Variants in MDM1 observed in about 807,000 individuals in gnomAD.
MDM1 encodes Mdm1 nuclear protein.
MDM1 carries 61 observed loss-of-function variants against 89.1 expected under a neutral mutation model. The ratio of observed to expected loss-of-function variants is 0.68; its 90% confidence interval spans 0.56 to 0.85. MDM1 has a LOEUF of 0.85. Among genes scored for constraint, MDM1 ranks in the 40% least tolerant of loss-of-function variants. MDM1 has a pLI of 0.00. For missense variants in MDM1, 820 were observed against 846.5 expected, an observed-to-expected ratio of 0.97 and a Z score of 0.39; for synonymous variants, 290 against 294.1, an observed-to-expected ratio of 0.99 and a Z score of 0.14.
At chr12:68,318,894 CTG>C (rs1874846848) in intron 7 of MDM1, among the ~76,000 whole-genome samples, 1 of 152,084 alleles carries the variant, frequency 6.6e-6, no homozygotes, top group Non-Finnish European at 1.5e-5. Context: ...ACTCAAGAAA[CTG>C]GGGATAAAAA....
In MDM1 at chr12:68,295,130, T is replaced by C. The variant is rs1871201059; in HGVS notation, c.*124A>G. On this transcript the variant is annotated 3_prime_UTR_variant, in exon 15 of 15. Transcript: ENST00000682720. ...AACAATTTCCAAGTAAACTGTTCTA[T>C]TGGAAATTAAATATTTCAAAGTAGA... The C allele has an allele frequency of 1.7e-6, 1 of 596,476 alleles. No individual in the cohort carries two copies. Among genetic ancestry groups the C allele is most frequent in the East Asian group, 3.0e-5 (1 of 33,682 alleles). 36.9% of individuals were successfully genotyped at this position (596,476 alleles called of 1,614,324 possible).
At chr12:68,328,097 C>G (rs1876274055) in intron 2 of MDM1, among the ~76,000 whole-genome samples, 1 of 152,184 alleles carries the variant, frequency 6.6e-6, no homozygotes, top group South Asian at 2.1e-4. Context: ...AAACTTACTC[C>G]AGTGCGTCCG....
chr12:68,305,184 C>T (rs572980072), intron 12 of MDM1, among the ~76,000 whole-genome samples: 2 of 152,212 alleles, frequency 1.3e-5, no homozygotes, highest in East Asian at 1.9e-4. Flanking sequence ...CATCTCAATA[C>T]ATGTAGAAAA....
At position 68,332,305 on chromosome 12, in the gene MDM1, G is replaced by A. The variant is rs533020497; in HGVS notation, c.-60C>T. 2.8e-4 allele frequency: 429 copies of A among 1,526,076 alleles called. No homozygotes were observed. The African/African-American group carries it at 5.5e-3, about 20-fold the overall frequency. 94.5% of individuals were successfully genotyped at this position (1,526,076 alleles called of 1,614,324 possible). On this transcript the variant is annotated 5_prime_UTR_variant, in exon 1 of 15. Transcript: ENST00000682720. ...GTTAACTGGAGAAAAAGCTCCGAGGGGGCGGGGCGATAACAGTGTTCCCTA... is the reference window on the plus strand; with the variant it reads ...GTTAACTGGAGAAAAAGCTCCGAGGAGGCGGGGCGATAACAGTGTTCCCTA...
chr12:68,298,951 G>A (rs934198659), intron 13 of MDM1, among the ~76,000 whole-genome samples: 9 of 152,006 alleles, frequency 5.9e-5, no homozygotes, highest in South Asian at 2.1e-4. Flanking sequence ...CGAACTTGCC[G>A]ACACACTGAG....
At chr12:68,304,841 A>T (rs1592950892) in intron 12 of MDM1, among the ~76,000 whole-genome samples, 1 of 152,320 alleles carries the variant, frequency 6.6e-6, no homozygotes, top group East Asian at 1.9e-4. Flanking sequence ...CCTGTGAATC[A>T]TATCCTATTT....
rs1177307449 is a variant in MDM1, at chr12:68,313,692, G to A, written c.1591C>T (p.Leu531Phe). Residue 531 changes from leucine (L) to phenylalanine (F), a missense_variant, in exon 11 of 15, where the codon CTT (leucine) becomes TTT (phenylalanine). Physicochemically the swap from Leu to Phe is conservative, Grantham distance 22. Coordinates refer to ENST00000682720, the MANE Select transcript of MDM1 (RefSeq NM_001354969.2). The stretch of plus-strand genomic sequence containing the variant: ...TGATGAGTCCTCTGGATTCCACCAA[G>A]TTCTCTCAGCTTGGGAGTAGGAAGC... ...GRLPTPKLRE[L>F]GGIQRTHHDL... 3.7e-6 allele frequency: 6 copies of A among 1,614,094 alleles called. No individual in the cohort carries two copies. The Admixed American group carries it at 5.0e-5, about 13-fold the overall frequency.
chr12:68,315,123 G>C lies in MDM1; in HGVS notation c.1354C>G (p.Leu452Val). ...CTTGTGTTCTCTGTATCCCAAGCCA[G>C]CCGCCTTCTAACGGGTATGGTGGGA... is the stretch of plus-strand genomic sequence containing the variant. ...SAPTIPVRRR[L>V]AWDTENTSED... The change falls in exon 10 of 15, where the codon CTG becomes GTG. Residue 452 changes from leucine (L) to valine (V), a missense_variant. By Grantham distance (32) the Leu-to-Val change is conservative. Transcript: ENST00000682720. The C allele has an allele frequency of 6.2e-7, 1 of 1,614,080 alleles. No homozygotes were observed. Among genetic ancestry groups the C allele is most frequent in the African/African-American group, 1.3e-5 (1 of 74,990 alleles).
At position 68,313,443 on chromosome 12, in the gene MDM1, C is replaced by A; in HGVS notation, c.1749G>T (p.Lys583Asn). 6.2e-7 allele frequency: 1 copy of A among 1,602,772 alleles called. No homozygotes were observed. Among genetic ancestry groups the A allele is most frequent in the South Asian group, 1.1e-5 (1 of 90,546 alleles). ...GCTTTTTTCCCCAAAACATGTTTAC[C>A]TTAGTAAAATCATTCTTTGAAGTTT... is the stretch of plus-strand genomic sequence containing the variant. ...CLETSKNDFT[K>N]KESRAVSLLT... is the part of the protein sequence containing the mutation. Residue 583 changes from lysine to asparagine, a missense_variant and splice_region_variant, in exon 12 of 15, where the codon AAG becomes AAT. Physicochemically the swap from Lys to Asn is moderately conservative, Grantham distance 94. Transcript: ENST00000682720.
At chr12:68,324,422 CTT>C (rs1487723463) in intron 4 of MDM1, among the ~76,000 whole-genome samples, 1 of 152,038 alleles carries the variant, frequency 6.6e-6, no homozygotes, top group Admixed American at 6.5e-5. Flanking sequence ...GTATTTATCA[CTT>C]TGTTACTTCA....
Position 68,332,217 on chromosome 12 carries a change from C to A in MDM1, c.18+11G>T, listed in dbSNP as rs757956066. 35 of 1,567,870 alleles carry A rather than the reference C, an allele frequency of 2.2e-5. 1 individual carries two copies. In the South Asian group the frequency reaches 3.9e-4, roughly 17 times the overall value. On this transcript the variant is annotated intron_variant, in intron 1 of 14. Transcript: ENST00000682720. ...CCCAGCCACATTCCGGCCCGGGGAC[C>A]CCAGCCTCACCTTGAAGCGCACCGG... is the stretch of plus-strand genomic sequence containing the variant.
At chr12:68,320,734 T>C (rs764382573) in intron 7 of MDM1, among the ~76,000 whole-genome samples, 1 of 152,234 alleles carries the variant, frequency 6.6e-6, no homozygotes, top group Admixed American at 6.5e-5. Flanking sequence ...AGATATGATT[T>C]GAAAGATGCT....
intron 12 of MDM1, among the ~76,000 whole-genome samples, chr12:68,303,670 C>A (rs536800455): frequency 6.6e-6 from 1 of 152,176 alleles, no homozygotes; most frequent in South Asian, 2.1e-4. Flanking sequence ...ATAGATTGCA[C>A]GTCGCCATAA....
Position 68,325,533 on chromosome 12 carries a change from G to A in MDM1, c.541C>T (p.Pro181Ser). 1 of 1,593,682 alleles carries A rather than the reference G, an allele frequency of 6.3e-7. No homozygotes were observed. The highest frequency in any genetic ancestry group is 1.2e-5 in the South Asian group (1 of 86,028). Residue 181 changes from proline (P) to serine (S), a missense_variant, in exon 4 of 15, where the codon CCT (proline) becomes TCT (serine). Coordinates refer to ENST00000682720, the MANE Select transcript of MDM1 (RefSeq NM_001354969.2). ...LRKKAGLTVVPSYNALRNSEY... is the reference protein window; with the variant it reads ...LRKKAGLTVVSSYNALRNSEY... Reference sequence around the variant, plus strand: ...GAATTTCTCAAGGCATTATATGAAGGAACAACAGTCAATCCAGCTTTCTTA... The same window carrying A: ...GAATTTCTCAAGGCATTATATGAAGAAACAACAGTCAATCCAGCTTTCTTA...
intron 14 of MDM1, among the ~76,000 whole-genome samples, chr12:68,296,016 C>T (rs1238205544): frequency 6.6e-6 from 1 of 152,114 alleles, no homozygotes; most frequent in Non-Finnish European, 1.5e-5. Context: ...AACAAAAAGT[C>T]CTAAACCTGC....
At chr12:68,331,353 T>G (rs1431399540) in intron 1 of MDM1, 132 bp from the exon 2 acceptor site, 1 of 662,726 alleles carries the variant, frequency 1.5e-6, no homozygotes, top group Non-Finnish European at 2.7e-6. Context: ...GACGAGCTCC[T>G]TAATAAGAGC....
intron 12 of MDM1, among the ~76,000 whole-genome samples, chr12:68,311,833 G>C (rs1158146671): frequency 6.6e-6 from 1 of 152,006 alleles, no homozygotes; most frequent in Non-Finnish European, 1.5e-5. Context: ...TTTTTCTCTT[G>C]AATTCACTTG....
At chr12:68,322,685 C>A (rs1875393826) in intron 5 of MDM1, among the ~76,000 whole-genome samples, 1 of 152,120 alleles carries the variant, frequency 6.6e-6, no homozygotes, top group Non-Finnish European at 1.5e-5. Flanking sequence ...TGTTTAATTT[C>A]CATAACTTAA....
intron 13 of MDM1, among the ~76,000 whole-genome samples, chr12:68,298,450 G>A (rs1440113463): frequency 6.6e-6 from 1 of 152,126 alleles, no homozygotes; most frequent in Non-Finnish European, 1.5e-5. Context: ...TGCTCATGAA[G>A]GGTCTTGGAG....
Sources: gnomAD v4.1 joint callset for allele counts (sites outside exome capture counted in the v4.1 genomes callset) on GRCh38, gnomAD v4.1.1 for gene constraint, MANE v1.5 for transcripts, NCBI Gene and HGNC (gene_info 2026-07-23, HGNC 2026-07-21) for gene names.